Variants in WDR33 observed in about 807,000 individuals in gnomAD.
WDR33 encodes pre-mRNA 3' end processing protein WDR33.
A neutral mutation model predicts 164.9 loss-of-function variants in WDR33; 47 were observed. The observed-to-expected ratio is 0.29, with a 90% CI of 0.23 to 0.36. The LOEUF is 0.36. Among genes scored for constraint, WDR33 ranks in the 10% least tolerant of loss-of-function variants. WDR33 has a pLI of 1.00. For synonymous variants in WDR33, 505 were observed against 589.0 expected (o/e 0.86, Z 2.06); for missense variants, 1,137 against 1,754.1 (o/e 0.65, Z 6.28).
At chr2:127,796,438 C>A (rs1305105681) in intron 1 of WDR33, among the ~76,000 whole-genome samples, 1 of 151,918 alleles carries the variant, frequency 6.6e-6, no homozygotes, top group Non-Finnish European at 1.5e-5. Context: ...CTGCAGCAAG[C>A]ACAGTGGCTC....
chr2:127,805,836 T>C (rs766073442), intron 1 of WDR33, among the ~76,000 whole-genome samples: 1 of 152,130 alleles, frequency 6.6e-6, no homozygotes, highest in East Asian at 1.9e-4. Context: ...CTTGATTTCA[T>C]TCGTATTTAA....
In WDR33 at chr2:127,710,499, G is replaced by A. The variant is rs1686132744; in HGVS notation, c.3309-643C>T. On this transcript the variant is annotated intron_variant, in intron 18 of 21. Transcript: ENST00000322313. The surrounding 1 kb of genome is among the most constrained non-coding windows in gnomAD (Gnocchi z 4.4). ...GTGGCACTCATGGCCCGAGTCCACA[G>A]CTGATGGGCACACAGGTCAGCATCT... 1.3e-5 allele frequency among the ~76,000 whole-genome samples: 2 copies of A among 152,128 alleles called. No individual in the cohort carries two copies. Among genetic ancestry groups the A allele is most frequent in the East Asian group, 3.9e-4 (2 of 5,186 alleles).
Position 127,721,745 on chromosome 2 carries a change from C to T in WDR33, c.1671+91G>A. On this transcript the variant is annotated intron_variant, in intron 15 of 21. Transcript: ENST00000322313. This position sits in a 1 kb window ranked among gnomAD's most constrained non-coding sequence, Gnocchi z 4.9. ...GGTGTTTGTCAGACCATGGGAGAGC[C>T]CCTTCCCTTTTCCTTAAGAGCCTAT... is the stretch of plus-strand genomic sequence containing the variant. 7.4e-7 allele frequency: 1 copy of T among 1,351,446 alleles called. No homozygotes were observed. The highest frequency in any genetic ancestry group is 1.0e-6 in the Non-Finnish European group (1 of 1,004,094). 83.7% of individuals were successfully genotyped at this position (1,351,446 alleles called of 1,614,324 possible). A position where few individuals can be genotyped will look rare whatever the true frequency, so the allele number is the denominator to read the frequency against.
intron 1 of WDR33, among the ~76,000 whole-genome samples, chr2:127,787,625 C>T (rs1283045919): frequency 1.1e-3 from 98 of 91,450 alleles, no homozygotes; most frequent in Non-Finnish European, 1.5e-3. Flanking sequence ...GCAGAGGCGC[C>T]CCTCACCTCC....
intron 5 of WDR33, 56 bp from the exon 6 acceptor site, chr2:127,765,035 A>G: frequency 3.1e-6 from 5 of 1,591,156 alleles, no homozygotes; most frequent in Non-Finnish European, 4.3e-6. Context: ...ATATATGACT[A>G]AAGGCTTACA....
chr2:127,761,854 A>C (rs537101845), intron 7 of WDR33, among the ~76,000 whole-genome samples: 1 of 152,308 alleles, frequency 6.6e-6, no homozygotes, highest in South Asian at 2.1e-4. Flanking sequence ...ATTCTTACAA[A>C]AGCTACAGTC....
At chr2:127,786,086 T>G (rs1688555151) in intron 1 of WDR33, among the ~76,000 whole-genome samples, 1 of 152,192 alleles carries the variant, frequency 6.6e-6, no homozygotes, top group African/African-American at 2.4e-5. Context: ...TAGCCTGAAG[T>G]GCAGTAGCAC....
intron 1 of WDR33, among the ~76,000 whole-genome samples, chr2:127,786,671 A>T (rs1688585161): frequency 6.6e-6 from 1 of 152,102 alleles, no homozygotes; most frequent in Non-Finnish European, 1.5e-5. Context: ...GCAAAACAGC[A>T]AGACTCTGTC....
rs1217589635 is a variant in WDR33, at chr2:127,720,123, TTGTCCCTGGGGTCCAGGAGGCCTAAAC to T, written c.1875_1901del (p.Phe626_Gln634del). 2 of 1,613,984 alleles carry T rather than the reference TTGTCCCTGGGGTCCAGGAGGCCTAAAC, an allele frequency of 1.2e-6. No individual in the cohort carries two copies. The highest frequency in any genetic ancestry group is 2.7e-5 in the African/African-American group (2 of 74,898). The stretch of plus-strand genomic sequence containing the variant: ...GCAGTGGAGGACCTTGTGGTCCCAT[TTGTCCCTGGGGTCCAGGAGGCCTAAAC>T]TGTCCCTGTGGACCTGGAGGCCCCA... On this transcript the variant is annotated inframe_deletion, in exon 16 of 22. Transcript: ENST00000322313. This position sits in a 1 kb window ranked among gnomAD's most constrained non-coding sequence, Gnocchi z 5.9.
At chr2:127,791,015 T>A (rs1472976852) in intron 1 of WDR33, among the ~76,000 whole-genome samples, 1 of 151,764 alleles carries the variant, frequency 6.6e-6, no homozygotes, top group Non-Finnish European at 1.5e-5. Flanking sequence ...CCTCTCCCCA[T>A]CTCTCTCAAC....
At position 127,706,303 on chromosome 2, in the gene WDR33, A is replaced by C. The variant is rs1686007665; in HGVS notation, c.*20T>G. The C allele has an allele frequency of 6.5e-7, 1 of 1,527,654 alleles. No homozygotes were observed. Among genetic ancestry groups the C allele is most frequent in the Non-Finnish European group, 8.8e-7 (1 of 1,140,536 alleles). 94.6% of individuals were successfully genotyped at this position (1,527,654 alleles called of 1,614,324 possible). On this transcript the variant is annotated 3_prime_UTR_variant, in exon 22 of 22. Transcript: ENST00000322313. The surrounding 1 kb of genome is among the most constrained non-coding windows in gnomAD (Gnocchi z 5.1). Reference sequence around the variant, plus strand: ...CTTACATACTGTCCAGAGAGGCCTCAGGGTACTCAGTTCCAGCTTCTACCG... The same window carrying C: ...CTTACATACTGTCCAGAGAGGCCTCCGGGTACTCAGTTCCAGCTTCTACCG...
At position 127,723,024 on chromosome 2, in the gene WDR33, G is replaced by A. The variant is rs1225340507; in HGVS notation, c.1312C>T (p.Leu438=). 1 of 1,612,376 alleles carries A rather than the reference G, an allele frequency of 6.2e-7. No homozygotes were observed. Among genetic ancestry groups the A allele is most frequent in the African/African-American group, 1.3e-5 (1 of 74,866 alleles). Residue 438 remains leucine, a synonymous_variant, in exon 13 of 22, where the codon CTG becomes TTG. Transcript: ENST00000322313. The surrounding 1 kb of genome is among the most constrained non-coding windows in gnomAD (Gnocchi z 5.9). ...VEYDDLEPNS[L]AVIPGMGIPE... The stretch of plus-strand genomic sequence containing the variant: ...ATTCCCATTCCTGGAATTACTGCCA[G>A]GCTATTAGGTTCGAGGTCATCTATA...
intron 7 of WDR33, chr2:127,737,500 A>G (rs1039676309): frequency 5.6e-5 from 55 of 986,064 alleles, no homozygotes; most frequent in Non-Finnish European, 6.4e-5. Context: ...GAAAAGCTAG[A>G]AAAGTGCAAA....
intron 1 of WDR33, among the ~76,000 whole-genome samples, chr2:127,809,333 C>T (rs190650665): frequency 1.1e-3 from 171 of 151,430 alleles, no homozygotes; most frequent in Admixed American, 0.011. Context: ...TAGTATTTTT[C>T]ACCAACCAAA....
rs186084168 is a variant in WDR33 at position 127,757,259 on chromosome 2, C to T, written c.724+5803G>A. ...TGTACAATATTTTAAATAAGCATAG[C>T]GATTAAAAGAACAAAGCCCATCATA... On this transcript the variant is annotated intron_variant, in intron 7 of 21. Coordinates refer to ENST00000322313, the MANE Select transcript of WDR33 (RefSeq NM_018383.5). 2.2e-4 allele frequency among the ~76,000 whole-genome samples: 33 copies of T among 151,874 alleles called. No homozygotes were observed. The East Asian group carries it at 6.2e-3, about 28-fold the overall frequency.
At chr2:127,801,484 G>C (rs1309118511) in intron 1 of WDR33, among the ~76,000 whole-genome samples, 1 of 147,968 alleles carries the variant, frequency 6.8e-6, no homozygotes, top group Non-Finnish European at 1.5e-5. Flanking sequence ...GTGAGACTCT[G>C]TCTCTAAAAA....
chr2:127,774,532 A>G (rs1688119100), intron 1 of WDR33, among the ~76,000 whole-genome samples: 2 of 152,218 alleles, frequency 1.3e-5, no homozygotes, highest in African/African-American at 4.8e-5. Flanking sequence ...CAACATGAAT[A>G]TCAAAACCAT....
Position 127,768,946 on chromosome 2 carries a change from C to A in WDR33, c.260G>T (p.Gly87Val). The change falls in exon 3 of 22, where the codon GGT becomes GTT. Residue 87 changes from glycine (G) to valine (V), a missense_variant. Gly to Val is a moderately radical substitution (Grantham distance 109, BLOSUM62 -3). Coordinates refer to ENST00000322313, the MANE Select transcript of WDR33 (RefSeq NM_018383.5). The part of the protein sequence containing the change: ...RDMRAIQPDA[G>V]YYNDLVPPIG... ...TCATGTACTTACATCATTGTAATAA[C>A]CTGCATCAGGCTGAATTGCCCGCAT... The A allele has an allele frequency of 6.3e-7, 1 of 1,592,750 alleles. No individual in the cohort carries two copies. Among genetic ancestry groups the A allele is most frequent in the Non-Finnish European group, 8.5e-7 (1 of 1,170,560 alleles).
chr2:127,752,547 G>C (rs112219799), intron 7 of WDR33, among the ~76,000 whole-genome samples: 2,449 of 142,610 alleles, frequency 0.017, 19 homozygotes, highest in East Asian at 0.031. Flanking sequence ...CCGAGATTGC[G>C]CCACTGCAGT....
Sources: allele counts gnomAD v4.1 joint callset (sites outside exome capture counted in the v4.1 genomes callset), GRCh38; gene constraint gnomAD v4.1.1; non-coding constraint Gnocchi (gnomAD v3.1); transcripts MANE v1.5; gene names NCBI Gene and HGNC (gene_info 2026-07-23, HGNC 2026-07-21).